The following IKBKB variants were observed in gnomAD, a reference collection of about 807,000 sequenced individuals.
IKBKB encodes inhibitor of nuclear factor kappa B kinase subunit beta.
In IKBKB, 42 loss-of-function variants were observed where a neutral mutation model predicts 113.6. That is an observed-to-expected ratio of 0.37 (90% confidence interval 0.29 to 0.48). IKBKB has a LOEUF of 0.48. IKBKB is among the 20% of genes least tolerant of loss of function. IKBKB has a pLI of 0.99. For missense variants in IKBKB, 673 were observed against 939.7 expected (o/e 0.72, Z 3.71); for synonymous variants, 296 against 361.3 (o/e 0.82, Z 2.05).
At chr8:42,287,220 G>A (rs1035418247) in intron 2 of IKBKB, among the ~76,000 whole-genome samples, 1 of 152,240 alleles carries the variant, frequency 6.6e-6, no homozygotes, top group African/African-American at 2.4e-5. Flanking sequence ...GGGAGAAGAG[G>A]GGAGGCCGCC....
intron 19 of IKBKB, among the ~76,000 whole-genome samples, chr8:42,324,168 G>A (rs1040034468): frequency 1.2e-4 from 19 of 152,224 alleles, no homozygotes; most frequent in Admixed American, 4.6e-4. Context: ...GGGAGTCAGT[G>A]TGTTCTGAGT....
rs550877176 is a variant in IKBKB at position 42,331,314 on chromosome 8, C to T, written c.*335C>T. On this transcript the variant is annotated 3_prime_UTR_variant, in exon 22 of 22. Coordinates refer to ENST00000520810, the MANE Select transcript of IKBKB (RefSeq NM_001556.3). ...GCCCCACAAACGTTCAGGGGTACAG[C>T]CATGGCAGCTCCTTCCTCTGCCGTG... 18 of 702,594 alleles carry T rather than the reference C, an allele frequency of 2.6e-5. No individual in the cohort carries two copies. The East Asian group carries it at 3.5e-4, about 14-fold the overall frequency. The allele number at this position is 702,594 out of a possible 1,614,324, so 43.5% of individuals were successfully genotyped here. A position where few individuals can be genotyped will look rare whatever the true frequency, so the allele number is the denominator to read the frequency against.
intron 16 of IKBKB, 23 bp downstream of exon 16, chr8:42,320,867 C>T (rs753303915): frequency 2.0e-6 from 3 of 1,485,262 alleles, no homozygotes; most frequent in African/African-American, 2.8e-5. Context: ...TGGGGGGCCC[C>T]TCTGTGCCCA....
At chr8:42,330,534 G>A (rs17875735) in intron 21 of IKBKB, among the ~76,000 whole-genome samples, 44,231 of 151,840 alleles carry the variant, frequency 0.29, 7,352 homozygotes, top group Middle Eastern at 0.4. Flanking sequence ...TTTTTGAGAT[G>A]GAGTCTTGCT....
chr8:42,319,256 T>C lies in IKBKB; in HGVS notation c.1365-14T>C, dbSNP rs201330290. ...CCAGAGATGCTCCAAGACTGTTCCT[T>C]GTGGTCCCTGCAGGATGAATCTCCT... On this transcript the variant is annotated splice_polypyrimidine_tract_variant and intron_variant, in intron 13 of 21. Coordinates refer to ENST00000520810, the MANE Select transcript of IKBKB (RefSeq NM_001556.3). 2 of 1,613,672 alleles carry C rather than the reference T, an allele frequency of 1.2e-6. No homozygotes were observed. Among genetic ancestry groups the C allele is most frequent in the Non-Finnish European group, 8.5e-7 (1 of 1,179,626 alleles).
At chr8:42,281,956 G>A (rs1810443855) in intron 2 of IKBKB, among the ~76,000 whole-genome samples, 1 of 152,112 alleles carries the variant, frequency 6.6e-6, no homozygotes, top group African/African-American at 2.4e-5. Flanking sequence ...CCTGTGACTG[G>A]GTCTTCAGCT....
chr8:42,282,502 C>T (rs1810580656), intron 2 of IKBKB, among the ~76,000 whole-genome samples: 1 of 152,194 alleles, frequency 6.6e-6, no homozygotes, highest in Non-Finnish European at 1.5e-5. Context: ...CCACCATGCC[C>T]AGCCACAAAG....
At chr8:42,321,014 T>G (rs1819680061) in intron 16 of IKBKB, 170 bp downstream of exon 16, 2 of 500,880 alleles carry the variant, frequency 4.0e-6, no homozygotes, top group Non-Finnish European at 7.0e-6. Flanking sequence ...TTTCCAAATC[T>G]GTTCAGTGAC....
At chr8:42,311,206 A>G (rs1035030450) in intron 8 of IKBKB, among the ~76,000 whole-genome samples, 1 of 152,194 alleles carries the variant, frequency 6.6e-6, no homozygotes, top group African/African-American at 2.4e-5. Flanking sequence ...TCTGGAAGTA[A>G]TGAAAACAAA....
intron 8 of IKBKB, among the ~76,000 whole-genome samples, chr8:42,311,579 G>GA (rs1210947775): frequency 7.5e-6 from 1 of 132,910 alleles, no homozygotes; most frequent in East Asian, 2.3e-4. Flanking sequence ...AAAAAAAAAA[G>GA]AAAAAAGAAA....
intron 8 of IKBKB, among the ~76,000 whole-genome samples, chr8:42,311,422 A>G (rs976042537): frequency 1.3e-5 from 2 of 151,968 alleles, no homozygotes; most frequent in African/African-American, 2.4e-5. Flanking sequence ...TTAGCTGGGC[A>G]TGGTGGCACA....
In IKBKB at chr8:42,320,844, T is replaced by C. The variant is rs774211746; in HGVS notation, c.1688T>C (p.Leu563Pro). The change falls in exon 16 of 22, where the codon CTA (leucine) becomes CCA (proline). Residue 563 changes from leucine (L) to proline (P), a missense_variant and splice_region_variant. Leu to Pro is a moderately conservative substitution (Grantham distance 98). Transcript: ENST00000520810. Reference sequence around the variant, plus strand: ...AAGCAGGGGGGAACGCTGGACGACCTGTGAGTACTGGCTGGGGGGCCCCTC... The same window carrying C: ...AAGCAGGGGGGAACGCTGGACGACCCGTGAGTACTGGCTGGGGGGCCCCTC... ...GRKQGGTLDD[L>P]EEQARELYRR... 1.3e-6 allele frequency: 2 copies of C among 1,576,424 alleles called. No individual in the cohort carries two copies. The highest frequency in any genetic ancestry group is 1.8e-5 in the Admixed American group (1 of 56,552).
chr8:42,310,632 T>G (rs925653289), intron 8 of IKBKB, among the ~76,000 whole-genome samples: 1 of 152,202 alleles, frequency 6.6e-6, no homozygotes, highest in African/African-American at 2.4e-5. Context: ...TACCCCCTCA[T>G]TTTTGCCAGA....
chr8:42,316,288 G>A lies in IKBKB; in HGVS notation c.879G>A (p.Thr293=), dbSNP rs70958395. 1.1e-4 allele frequency: 176 copies of A among 1,614,152 alleles called. 2 individuals are homozygous for A. The East Asian group carries it at 1.2e-3, about 11-fold the overall frequency. Residue 293 remains threonine (T), a synonymous_variant, in exon 10 of 22, where the codon ACG becomes ACA. Coordinates refer to ENST00000520810, the MANE Select transcript of IKBKB (RefSeq NM_001556.3). The surrounding 1 kb of genome is among the most constrained non-coding windows in gnomAD (Gnocchi z 4.5). ...WHPRQRGTDP[T]YGPNGCFKAL... is the part of the protein sequence containing the mutation. ...CCCGACAGAGGGGCACGGATCCCAC[G>A]TATGGGCCCAATGGCTGCTTCAAGG...
At chr8:42,272,231 G>T in intron 2 of IKBKB, 26 bp downstream of exon 2, 1 of 1,613,974 alleles carries the variant, frequency 6.2e-7, no homozygotes, top group Non-Finnish European at 8.5e-7. Context: ...AGCTTGGGGA[G>T]GGGCGGGGAG....
At chr8:42,329,471 C>T (rs17875731) in intron 21 of IKBKB, 36,310 of 798,344 alleles carry the variant, frequency 0.045, 909 homozygotes, top group Non-Finnish European at 0.049. Context: ...TACAGGCGTG[C>T]GTCACCACAT....
intron 5 of IKBKB, among the ~76,000 whole-genome samples, chr8:42,301,998 T>TA (rs1380387624): frequency 6.6e-6 from 1 of 152,166 alleles, no homozygotes; most frequent in Admixed American, 6.5e-5. Context: ...CCTACACTTT[T>TA]ATGTATTACA....
chr8:42,292,736 G>T (rs1371819312), intron 4 of IKBKB, among the ~76,000 whole-genome samples: 1 of 152,134 alleles, frequency 6.6e-6, no homozygotes, highest in Non-Finnish European at 1.5e-5. Flanking sequence ...ACAGTCGAGG[G>T]GGCCAGGAAG....
At chr8:42,312,239 A>G (rs1004391988) in intron 8 of IKBKB, among the ~76,000 whole-genome samples, 1 of 152,230 alleles carries the variant, frequency 6.6e-6, no homozygotes, top group Non-Finnish European at 1.5e-5. Flanking sequence ...CTTGTTGAGC[A>G]TGTCTCTTAT....
Sources: gnomAD v4.1 joint callset for allele counts (sites outside exome capture counted in the v4.1 genomes callset) on GRCh38, gnomAD v4.1.1 for gene constraint, Gnocchi (gnomAD v3.1) non-coding constraint, MANE v1.5 for transcripts, NCBI Gene and HGNC (gene_info 2026-07-23, HGNC 2026-07-21) for gene names.